Variants in FAM161A observed in about 807,000 individuals in gnomAD.
The protein encoded by FAM161A is protein FAM161A.
Under a neutral mutation model 70.9 loss-of-function variants are expected in FAM161A, and 57 were observed. The observed-to-expected ratio is 0.80, with a 90% CI of 0.65 to 1.00. The LOEUF is 1.00. Among genes scored for constraint, FAM161A ranks in the 50% least tolerant of loss-of-function variants. The probability of loss-of-function intolerance (pLI) is 0.00; values close to 1 mark genes in which losing one functional copy is unlikely to be tolerated. For missense variants in FAM161A, 880 were observed against 836.0 expected (o/e 1.05, Z -0.65); for synonymous variants, 299 against 295.7 (o/e 1.01, Z -0.12).
At position 61,826,574 on chromosome 2, in the gene FAM161A, C is replaced by A. The variant is rs998192755; in HGVS notation, c.2032G>T (p.Glu678Ter). 1.2e-6 allele frequency: 2 copies of A among 1,600,644 alleles called. No homozygotes were observed. Among genetic ancestry groups the A allele is most frequent in the Non-Finnish European group, 1.7e-6 (2 of 1,170,660 alleles). The change falls in exon 7 of 7, where the codon GAA (glutamate) becomes TAA (stop). Residue 678 changes from glutamate to a stop codon, truncating the protein, a stop_gained. Coordinates refer to ENST00000404929, the MANE Select transcript of FAM161A (RefSeq NM_001201543.2). LOFTEE classifies it high-confidence loss of function. ...ESFNEEEKIEERENGEENYFI... is the reference protein window; with the variant it reads ...ESFNEEEKIE ...TAATTTTCTTCCCCATTCTCTCTTT[C>A]TTCTATTTTTTCTTCTTCATTAAAG...
At chr2:61,807,633 A>ATTTTTTTTTT in the FAM161A span, among the ~76,000 whole-genome samples, 3 of 113,326 alleles carry the variant, frequency 2.6e-5, no homozygotes, top group African/African-American at 1.1e-4. Context: ...TGGACTCCAG[A>ATTTTTTTTTT]TTTTTTTTTT....
chr2:61,816,123 G>A, the FAM161A span, among the ~76,000 whole-genome samples: 1 of 152,044 alleles, frequency 6.6e-6, no homozygotes, highest in Admixed American at 6.6e-5. Flanking sequence ...ATCTTTGGGT[G>A]GCAGTGAGAC....
intron 5 of FAM161A, among the ~76,000 whole-genome samples, chr2:61,832,588 G>A (rs955947277): frequency 4.6e-5 from 7 of 152,170 alleles, no homozygotes; most frequent in South Asian, 2.1e-4. Context: ...AACTAGGTAC[G>A]GGTCTGTGGC....
At chr2:61,836,831 C>A in intron 4 of FAM161A, 1 of 243,608 alleles carries the variant, frequency 4.1e-6, no homozygotes, top group Non-Finnish European at 9.0e-6. Flanking sequence ...GTCTTGGCCT[C>A]TCAAAGTGCT....
chr2:61,806,017 A>G, the FAM161A span, among the ~76,000 whole-genome samples: 1 of 152,344 alleles, frequency 6.6e-6, no homozygotes. Flanking sequence ...CAGGAATTCA[A>G]GACCAGTCTG....
intron 1 of FAM161A, among the ~76,000 whole-genome samples, chr2:61,844,339 A>G (rs1673128963): frequency 6.6e-6 from 1 of 152,142 alleles, no homozygotes; most frequent in Non-Finnish European, 1.5e-5. Context: ...TTCCTCATTC[A>G]TTAAATATTT....
intron 6 of FAM161A, 77 bp downstream of exon 6, chr2:61,827,027 C>A: frequency 7.3e-7 from 1 of 1,362,068 alleles, no homozygotes; most frequent in Non-Finnish European, 1.0e-6. Flanking sequence ...AAAAAATATA[C>A]ATAGTATAAA....
the FAM161A span, among the ~76,000 whole-genome samples, chr2:61,811,495 TC>T: frequency 6.6e-6 from 1 of 152,086 alleles, no homozygotes; most frequent in Non-Finnish European, 1.5e-5. Context: ...TGTCTCAGCC[TC>T]CCAGGTAGCT....
chr2:61,814,425 T>G, the FAM161A span, among the ~76,000 whole-genome samples: 12 of 152,218 alleles, frequency 7.9e-5, no homozygotes, highest in Non-Finnish European at 1.8e-4. Context: ...GTGGAAATAC[T>G]GTTAATACAG....
chr2:61,839,048 A>C (rs1329953904), intron 3 of FAM161A, among the ~76,000 whole-genome samples: 1 of 151,446 alleles, frequency 6.6e-6, no homozygotes, highest in Admixed American at 6.6e-5. Flanking sequence ...ACGCCCAGCT[A>C]ATTTTTTGTA....
At chr2:61,843,665 T>C (rs933282386) in intron 1 of FAM161A, among the ~76,000 whole-genome samples, 1 of 152,202 alleles carries the variant, frequency 6.6e-6, no homozygotes, top group Non-Finnish European at 1.5e-5. Context: ...ATAATCTGTT[T>C]AGCTTCTCTC....
At chr2:61,842,046 G>A in intron 2 of FAM161A, 76 bp downstream of exon 2, 1 of 942,216 alleles carries the variant, frequency 1.1e-6, no homozygotes, top group Non-Finnish European at 1.7e-6. Context: ...AAAATATTAT[G>A]AAGTAACTTT....
the FAM161A span, among the ~76,000 whole-genome samples, chr2:61,806,690 T>TTTTTTTTTTTTTG: frequency 9.2e-6 from 1 of 108,324 alleles, no homozygotes; most frequent in Non-Finnish European, 2.0e-5. Flanking sequence ...CTTTTTTTTT[T>TTTTTTTTTTTTTG]TTTTTTTTTT....
At position 61,825,639 on chromosome 2, in the gene FAM161A, C is replaced by CTTT. The variant is rs759062810; in HGVS notation, c.*813_*815dup. The stretch of plus-strand genomic sequence containing the variant: ...TTGCAAGTATCCATTTTTTTCTATA[C>CTTT]TTTTTTTTTTTTTTTGGAGACGGAG... On this transcript the variant is annotated 3_prime_UTR_variant, in exon 7 of 7. Coordinates refer to ENST00000404929, the MANE Select transcript of FAM161A (RefSeq NM_001201543.2). 35 of 400,470 alleles carry CTTT rather than the reference C, an allele frequency of 8.7e-5. No homozygotes were observed. Among genetic ancestry groups the CTTT allele is most frequent in the Admixed American group, 2.9e-4 (9 of 31,062 alleles). The allele number at this position is 400,470 out of a possible 1,614,324, so 24.8% of individuals were successfully genotyped here.
At chr2:61,838,251 G>A (rs1211197903) in intron 4 of FAM161A, among the ~76,000 whole-genome samples, 2 of 152,118 alleles carry the variant, frequency 1.3e-5, no homozygotes, top group Non-Finnish European at 2.9e-5. Flanking sequence ...TAAAGAACAA[G>A]ATCAGATATT....
At chr2:61,808,774 T>C in the FAM161A span, among the ~76,000 whole-genome samples, 5 of 152,154 alleles carry the variant, frequency 3.3e-5, no homozygotes, top group Non-Finnish European at 5.9e-5. Context: ...CTGGGTAACA[T>C]AAAATGAGGC....
At position 61,838,887 on chromosome 2, in the gene FAM161A, TA is replaced by T. The variant is rs1262061830; in HGVS notation, c.1584-183del. ...TTATTTATTTATTTATTTATTTATT[TA>T]TTTATTTTTTTTGAGATGGAGTCTC... On this transcript the variant is annotated intron_variant, in intron 3 of 6. Transcript: ENST00000404929. Among the ~76,000 whole-genome samples the T allele has an allele frequency of 1.2e-3, 166 of 134,496 alleles. 1 individual carries two copies. Among genetic ancestry groups the T allele is most frequent in the African/African-American group, 4.0e-3 (144 of 36,036 alleles). 88.2% of individuals were successfully genotyped at this position (134,496 alleles called of 152,430 possible).
chr2:61,814,044 G>A, the FAM161A span, among the ~76,000 whole-genome samples: 1 of 152,108 alleles, frequency 6.6e-6, no homozygotes, highest in Non-Finnish European at 1.5e-5. Context: ...CCAGAAAGAT[G>A]CATCCTGGAG....
intron 5 of FAM161A, among the ~76,000 whole-genome samples, chr2:61,832,251 A>AC (rs1161174262): frequency 1.3e-5 from 2 of 149,854 alleles, no homozygotes; most frequent in African/African-American, 4.9e-5. Context: ...ACACACACAC[A>AC]AAAAAAAACC....
Sources: gnomAD v4.1 joint callset for allele counts (sites outside exome capture counted in the v4.1 genomes callset) on GRCh38, gnomAD v4.1.1 for gene constraint, MANE v1.5 for transcripts, NCBI Gene and HGNC (gene_info 2026-07-23, HGNC 2026-07-21) for gene names.